The following SLC14A2 variants were observed in gnomAD, a reference collection of about 807,000 sequenced individuals.
SLC14A2 encodes urea transporter 2.
A neutral mutation model predicts 104.6 loss-of-function variants in SLC14A2; 91 were observed. That is an observed-to-expected ratio of 0.87 (90% confidence interval 0.73 to 1.04). The LOEUF (loss-of-function observed/expected upper bound fraction) is 1.04. Ranked by LOEUF, SLC14A2 falls within the 50% of genes least tolerant of loss-of-function variation. The pLI is 0.00. For missense variants in SLC14A2, 1,189 were observed against 1,156.0 expected (o/e 1.03, Z -0.41); for synonymous variants, 476 against 466.4 (o/e 1.02, Z -0.27).
chr18:45,365,535 C>A (rs2085657693), intron 1 of SLC14A2, among the ~76,000 whole-genome samples: 1 of 152,322 alleles, frequency 6.6e-6, no homozygotes. Flanking sequence ...AAATTCATAA[C>A]CCATTCAGAC....
intron 1 of SLC14A2, among the ~76,000 whole-genome samples, chr18:45,356,156 G>A (rs538037840): frequency 6.6e-6 from 1 of 152,260 alleles, no homozygotes; most frequent in South Asian, 2.1e-4. Context: ...GTGACCTCTG[G>A]TGGTCCAAAA....
chr18:45,616,102 T>A (rs1051219041), intron 1 of SLC14A2, among the ~76,000 whole-genome samples: 3 of 152,128 alleles, frequency 2.0e-5, no homozygotes, highest in African/African-American at 7.2e-5. Flanking sequence ...CTGAAAATTG[T>A]CTTGGGCACA....
rs79262056 is a variant in SLC14A2 at position 45,316,185 on chromosome 18, C to T, written c.-125+102994C>T. On this transcript the variant is annotated intron_variant, in intron 1 of 20. Coordinates refer to the SLC14A2 transcript ENST00000586448. ...AAAGCAGAGGCCAGCAGAGTCCCCA[C>T]AGAAATTTCTGCAGCTTCACAATCT... Among the ~76,000 whole-genome samples, 750 of 152,292 alleles carry T rather than the reference C, an allele frequency of 4.9e-3. 5 individuals are homozygous for T. The highest frequency in any genetic ancestry group is 0.016 in the African/African-American group (669 of 41,572).
At chr18:45,333,922 A>C (rs1314306308) in intron 1 of SLC14A2, among the ~76,000 whole-genome samples, 1 of 152,210 alleles carries the variant, frequency 6.6e-6, no homozygotes, top group Non-Finnish European at 1.5e-5. Context: ...GAAATTGATG[A>C]AGCCCAATTT....
chr18:45,487,877 G>C (rs1220817949), intron 2 of SLC14A2, among the ~76,000 whole-genome samples: 1 of 152,214 alleles, frequency 6.6e-6, no homozygotes, highest in Non-Finnish European at 1.5e-5. Context: ...GGGGAGAATT[G>C]CTGGTGTAAC....
At chr18:45,239,409 A>G (rs1325895080) in intron 1 of SLC14A2, among the ~76,000 whole-genome samples, 1 of 152,210 alleles carries the variant, frequency 6.6e-6, no homozygotes, top group Non-Finnish European at 1.5e-5. Context: ...AAGGCTAACT[A>G]GAGATAAGGT....
intron 2 of SLC14A2, among the ~76,000 whole-genome samples, chr18:45,515,129 G>C (rs2043420316): frequency 6.6e-6 from 1 of 152,202 alleles, no homozygotes; most frequent in Non-Finnish European, 1.5e-5. Flanking sequence ...TACCTGGCAT[G>C]ACAACAGTGT....
At chr18:45,182,167 T>TA in the SLC14A2 span, among the ~76,000 whole-genome samples, 2 of 151,836 alleles carry the variant, frequency 1.3e-5, no homozygotes, top group African/African-American at 2.4e-5. Flanking sequence ...ATGTATAAAA[T>TA]AAAAATCAAT....
intron 2 of SLC14A2, among the ~76,000 whole-genome samples, chr18:45,539,165 C>G (rs2144852524): frequency 7.9e-5 from 1 of 12,586 alleles, no homozygotes; most frequent in African/African-American, 2.9e-4. Context: ...GCAATGGACT[C>G]TAGGTGGATG....
chr18:45,301,207 G>A (rs556934707), intron 1 of SLC14A2, among the ~76,000 whole-genome samples: 1 of 152,334 alleles, frequency 6.6e-6, no homozygotes, highest in South Asian at 2.1e-4. Context: ...TTGAGGCTCA[G>A]TGAGGACGAG....
chr18:45,375,351 C>A (rs1381300858), intron 1 of SLC14A2, among the ~76,000 whole-genome samples: 2 of 152,174 alleles, frequency 1.3e-5, no homozygotes, highest in African/African-American at 4.8e-5. Context: ...ACTTTGCAGA[C>A]CCTGCATGGG....
intron 1 of SLC14A2, among the ~76,000 whole-genome samples, chr18:45,475,640 AGGATATATATATATATATATATATATAT>A (rs2087351542): frequency 1.4e-4 from 3 of 21,202 alleles, no homozygotes; most frequent in African/African-American, 3.2e-4. Context: ...ATATATATTT[AGGATATATATATATATATATATATATAT>A]ATATATATAT....
intron 1 of SLC14A2, among the ~76,000 whole-genome samples, chr18:45,364,429 G>A (rs2085646710): frequency 6.6e-6 from 1 of 152,176 alleles, no homozygotes; most frequent in East Asian, 1.9e-4. Context: ...CACTGTGAGA[G>A]TAGAAGAGAA....
chr18:45,547,080 C>A (rs2043982457), intron 2 of SLC14A2, among the ~76,000 whole-genome samples: 1 of 152,130 alleles, frequency 6.6e-6, no homozygotes, highest in South Asian at 2.1e-4. Flanking sequence ...ATGGGCTAAT[C>A]AGACGGTCCA....
chr18:45,418,808 C>T (rs1204659966), intron 1 of SLC14A2, among the ~76,000 whole-genome samples: 1 of 151,990 alleles, frequency 6.6e-6, no homozygotes, highest in Non-Finnish European at 1.5e-5. Context: ...ACCTCTAATC[C>T]CTGTTCAACT....
intron 1 of SLC14A2, among the ~76,000 whole-genome samples, chr18:45,264,255 T>G (rs983841755): frequency 3.3e-5 from 5 of 152,180 alleles, no homozygotes; most frequent in African/African-American, 7.2e-5. Flanking sequence ...ATTTATTTAT[T>G]TATTCATTCA....
At chr18:45,196,781 C>T in the SLC14A2 span, among the ~76,000 whole-genome samples, 4 of 152,342 alleles carry the variant, frequency 2.6e-5, no homozygotes, top group Admixed American at 2.6e-4. Flanking sequence ...ACTTCTCAAA[C>T]TGTGTTTCAT....
intron 2 of SLC14A2, among the ~76,000 whole-genome samples, chr18:45,572,940 G>A (rs1255631578): frequency 6.6e-6 from 1 of 152,178 alleles, no homozygotes; most frequent in Non-Finnish European, 1.5e-5. Flanking sequence ...ACGACCTTAT[G>A]AAGCATCATT....
chr18:45,457,516 C>A (rs920288854), intron 1 of SLC14A2, among the ~76,000 whole-genome samples: 5 of 152,052 alleles, frequency 3.3e-5, no homozygotes, highest in Non-Finnish European at 5.9e-5. Context: ...ATAAAAGTGG[C>A]GAGGCTTGCT....
Sources: allele counts gnomAD v4.1 joint callset (sites outside exome capture counted in the v4.1 genomes callset), GRCh38; gene constraint gnomAD v4.1.1; transcripts MANE v1.5; gene names NCBI Gene and HGNC (gene_info 2026-07-23, HGNC 2026-07-21).